CDH12: variants seen among roughly 807,000 people sequenced by gnomAD.
The protein encoded by CDH12 is cadherin-12.
Under a neutral mutation model 74.1 loss-of-function variants are expected in CDH12, and 41 were observed. The ratio of observed to expected loss-of-function variants is 0.55; its 90% CI spans 0.43 to 0.72. The LOEUF (loss-of-function observed/expected upper bound fraction) is 0.72. Among genes scored for constraint, CDH12 ranks in the 30% least tolerant of loss-of-function variants. The probability of loss-of-function intolerance (pLI) is 0.00; values close to 1 mark genes in which losing one functional copy is unlikely to be tolerated. For missense variants in CDH12, 945 were observed against 977.2 expected, an observed-to-expected ratio of 0.97 and a Z score of 0.44; for synonymous variants, 399 against 355.0, an observed-to-expected ratio of 1.12 and a Z score of -1.39.
intron 5 of CDH12, among the ~76,000 whole-genome samples, chr5:22,038,382 G>T (rs1320935417): frequency 6.6e-6 from 1 of 152,140 alleles, no homozygotes; most frequent in Non-Finnish European, 1.5e-5. Context: ...GCTGCTCATT[G>T]CCTCCTGGGG....
chr5:22,254,449 A>G (rs955552855), intron 3 of CDH12, among the ~76,000 whole-genome samples: 26 of 151,844 alleles, frequency 1.7e-4, no homozygotes, highest in Non-Finnish European at 3.5e-4. Flanking sequence ...CAAGAAAAAC[A>G]TCAACAATTC....
At chr5:22,567,823 G>T (rs185547735) in intron 1 of CDH12, among the ~76,000 whole-genome samples, 6 of 152,214 alleles carry the variant, frequency 3.9e-5, no homozygotes, top group Non-Finnish European at 7.3e-5. Context: ...AGATGTAGAT[G>T]TAGGATCAGC....
At chr5:22,685,700 G>C (rs1041923962) in intron 1 of CDH12, among the ~76,000 whole-genome samples, 2 of 152,080 alleles carry the variant, frequency 1.3e-5, no homozygotes, top group Non-Finnish European at 2.9e-5. Context: ...GTGTTTTCAA[G>C]GTTCATCAAT....
chr5:22,176,965 C>G (rs1217931355), intron 4 of CDH12, among the ~76,000 whole-genome samples: 1 of 152,106 alleles, frequency 6.6e-6, no homozygotes, highest in Non-Finnish European at 1.5e-5. Context: ...ATCAGACAAG[C>G]CACCCACACT....
At position 21,867,719 on chromosome 5, in the gene CDH12, T is replaced by G. The variant is rs149170914; in HGVS notation, c.527-12929A>C. Among the ~76,000 whole-genome samples the G allele has an allele frequency of 1.6e-3, 239 of 152,344 alleles. 2 individuals carry two copies. Among genetic ancestry groups the G allele is most frequent in the Admixed American group, 0.011 (168 of 15,296 alleles). On this transcript the variant is annotated intron_variant, in intron 6 of 14. Coordinates refer to ENST00000382254, the MANE Select transcript of CDH12 (RefSeq NM_004061.5). The stretch of plus-strand genomic sequence containing the variant: ...GCTTTTGATTTTACAGGTTCATAGG[T>G]GGAAGGGACTTGCCTTGTCTCAGAT...
intron 1 of CDH12, among the ~76,000 whole-genome samples, chr5:22,623,613 T>C (rs1025804922): frequency 1.2e-4 from 18 of 152,082 alleles, no homozygotes; most frequent in African/African-American, 4.1e-4. Context: ...ACAAGGGACA[T>C]GAAGGACCTC....
chr5:22,123,620 A>G (rs1745653124), intron 4 of CDH12, among the ~76,000 whole-genome samples: 1 of 152,184 alleles, frequency 6.6e-6, no homozygotes, highest in Non-Finnish European at 1.5e-5. Context: ...AGGCATACAG[A>G]TGATTGATTT....
intron 3 of CDH12, among the ~76,000 whole-genome samples, chr5:22,404,068 C>T (rs1193905820): frequency 1.3e-5 from 2 of 152,014 alleles, no homozygotes; most frequent in African/African-American, 4.8e-5. Flanking sequence ...TAGTATTCTT[C>T]ACAATTATAA....
intron 1 of CDH12, among the ~76,000 whole-genome samples, chr5:22,795,867 T>C (rs1581008170): frequency 1.3e-5 from 2 of 152,070 alleles, no homozygotes; most frequent in Admixed American, 6.6e-5. Flanking sequence ...CAGAACTAGA[T>C]TGTACATTAT....
At chr5:21,819,616 A>G (rs1314817641) in intron 8 of CDH12, among the ~76,000 whole-genome samples, 1 of 151,962 alleles carries the variant, frequency 6.6e-6, no homozygotes, top group African/African-American at 2.4e-5. Context: ...TAAAAGAGAG[A>G]AATGGAAGTC....
At chr5:21,807,294 A>G (rs1160321222) in intron 9 of CDH12, among the ~76,000 whole-genome samples, 1 of 152,100 alleles carries the variant, frequency 6.6e-6, no homozygotes, top group Non-Finnish European at 1.5e-5. Context: ...CCACCAAACT[A>G]TCCTTGGAAA....
chr5:22,333,868 T>C (rs563269057), intron 3 of CDH12, among the ~76,000 whole-genome samples: 1 of 152,272 alleles, frequency 6.6e-6, no homozygotes, highest in African/African-American at 2.4e-5. Context: ...ATCAACAGAA[T>C]GAAGCACAAA....
chr5:22,324,476 G>T (rs1739005717), intron 3 of CDH12, among the ~76,000 whole-genome samples: 1 of 151,924 alleles, frequency 6.6e-6, no homozygotes, highest in Non-Finnish European at 1.5e-5. Context: ...CTGTAAGTCA[G>T]ATTTTGAAAA....
At chr5:22,637,706 G>A (rs965530308) in intron 1 of CDH12, among the ~76,000 whole-genome samples, 1 of 152,126 alleles carries the variant, frequency 6.6e-6, no homozygotes, top group Non-Finnish European at 1.5e-5. Flanking sequence ...GGACATAAAC[G>A]TTGTTTATCT....
At chr5:22,006,056 G>A (rs1736937303) in intron 5 of CDH12, among the ~76,000 whole-genome samples, 1 of 152,012 alleles carries the variant, frequency 6.6e-6, no homozygotes, top group Non-Finnish European at 1.5e-5. Flanking sequence ...GGCTTCTGAG[G>A]CATCCCACTG....
rs1174334630 is a variant in CDH12, at chr5:22,824,408, A to G, written c.-523+28650T>C. 3.9e-5 allele frequency among the ~76,000 whole-genome samples: 6 copies of G among 152,314 alleles called. No individual in the cohort carries two copies. In the East Asian group the frequency reaches 9.6e-4, roughly 24 times the overall value. ...GGGGGAAATTTCTCACAAAATTTGT[A>G]TATGAAAAGCATACACATACAAATG... On this transcript the variant is annotated intron_variant, in intron 1 of 14. Coordinates refer to ENST00000382254, the MANE Select transcript of CDH12 (RefSeq NM_004061.5).
intron 1 of CDH12, among the ~76,000 whole-genome samples, chr5:22,770,725 T>C (rs1374405993): frequency 6.6e-6 from 1 of 152,154 alleles, no homozygotes; most frequent in Non-Finnish European, 1.5e-5. Flanking sequence ...CCCATTTAAC[T>C]ATATGATCCT....
rs1280899308 is a variant in CDH12, at chr5:22,656,204, A to G, written c.-522-150840T>C. Among the ~76,000 whole-genome samples, 5 of 152,138 alleles carry G rather than the reference A, an allele frequency of 3.3e-5. No homozygotes were observed. In the East Asian group the frequency reaches 9.6e-4, roughly 29 times the overall value. On this transcript the variant is annotated intron_variant, in intron 1 of 14. Coordinates refer to ENST00000382254, the MANE Select transcript of CDH12 (RefSeq NM_004061.5). Reference sequence around the variant, plus strand: ...AGAGTTTGTTACATTATAATAATCAAATTGTTACATTTTACACACATGTTC... The same window carrying G: ...AGAGTTTGTTACATTATAATAATCAGATTGTTACATTTTACACACATGTTC...
At chr5:22,503,247 G>A (rs2126659314) in intron 2 of CDH12, among the ~76,000 whole-genome samples, 1 of 152,134 alleles carries the variant, frequency 6.6e-6, no homozygotes, top group East Asian at 1.9e-4. Context: ...AATAGAATGA[G>A]AGTAAGTTTT....
Sources: gnomAD v4.1 joint callset for allele counts (sites outside exome capture counted in the v4.1 genomes callset) on GRCh38, gnomAD v4.1.1 for gene constraint, MANE v1.5 for transcripts, NCBI Gene and HGNC (gene_info 2026-07-23, HGNC 2026-07-21) for gene names.